The following PLEKHA6 variants were observed in gnomAD, a reference collection of about 807,000 sequenced individuals.
The protein encoded by PLEKHA6 is pleckstrin homology domain containing A6.
In PLEKHA6, 60 loss-of-function variants were observed where a neutral mutation model predicts 116.7. That is an observed-to-expected ratio of 0.51 (90% CI 0.42 to 0.64). The LOEUF is 0.64. PLEKHA6 is among the 30% of genes least tolerant of loss of function. The probability of loss-of-function intolerance (pLI) is 0.00; values close to 1 mark genes in which losing one functional copy is unlikely to be tolerated. For synonymous variants in PLEKHA6, 489 were observed against 556.1 expected, an observed-to-expected ratio of 0.88 and a Z score of 1.70; for missense variants, 1,338 against 1,422.7, an observed-to-expected ratio of 0.94 and a Z score of 0.96.
intron 1 of PLEKHA6, chr1:204,308,980 C>A (rs12405379): frequency 3.2e-6 from 2 of 630,584 alleles, no homozygotes; most frequent in Non-Finnish European, 4.0e-6. Flanking sequence ...TGAGCCACCA[C>A]GCCCGGCCTC....
Position 204,323,140 on chromosome 1 carries a change from C to T in PLEKHA6, c.-95+36554G>A, listed in dbSNP as rs1002521840. ...TGTATCTACTATGTGCCACAGCACA[C>T]TGTGCTAGGCCCTGACACTCAGTGC... On this transcript the variant is annotated intron_variant, in intron 1 of 22. Coordinates refer to ENST00000272203, the MANE Select transcript of PLEKHA6 (RefSeq NM_014935.5). Among the ~76,000 whole-genome samples the T allele has an allele frequency of 4.6e-5, 7 of 152,250 alleles. No homozygotes were observed. In the South Asian group the frequency reaches 6.2e-4, roughly 14 times the overall value.
chr1:204,260,571 T>G (rs1384398040), intron 7 of PLEKHA6, among the ~76,000 whole-genome samples: 3 of 152,208 alleles, frequency 2.0e-5, no homozygotes, highest in African/African-American at 7.2e-5. Flanking sequence ...TGTGACAATT[T>G]TCCCCCTACA....
chr1:204,326,199 G>A (rs151295864), intron 1 of PLEKHA6, among the ~76,000 whole-genome samples: 9 of 152,280 alleles, frequency 5.9e-5, no homozygotes, highest in East Asian at 1.9e-4. Context: ...AACAGAGCCC[G>A]GCTCCAACAG....
intron 21 of PLEKHA6, among the ~76,000 whole-genome samples, chr1:204,225,655 A>C (rs56356506): frequency 0.025 from 3,786 of 152,354 alleles, 136 homozygotes; most frequent in African/African-American, 0.085. Flanking sequence ...CCACCAATGT[A>C]TTGTACACTC....
intron 1 of PLEKHA6, chr1:204,282,862 C>T (rs940758189): frequency 1.1e-6 from 1 of 941,166 alleles, no homozygotes; most frequent in Non-Finnish European, 1.3e-6. Flanking sequence ...GGGTTTTCCT[C>T]CTCTCAGCCT....
chr1:204,223,544 G>C lies in PLEKHA6; in HGVS notation c.3073C>G (p.Pro1025Ala). 5.2e-6 allele frequency: 8 copies of C among 1,549,362 alleles called. No homozygotes were observed. The highest frequency in any genetic ancestry group is 6.1e-6 in the Non-Finnish European group (7 of 1,145,506). Residue 1025 changes from proline to alanine, a missense_variant, in exon 22 of 23, where the codon CCG (proline) becomes GCG (alanine). By Grantham distance (27) the Pro-to-Ala change is conservative. Around this residue, in one of 3 missense-constraint regions of PLEKHA6, gnomAD observed 1,136 missense variants for 1,163.6 expected, o/e 0.98. Transcript: ENST00000272203. The surrounding 1 kb of genome is among the most constrained non-coding windows in gnomAD (Gnocchi z 4.8). ...TPSPPTSPAS[P>A]APPANPLSSE... ...GACAGGGGGTTTGCTGGAGGAGCCGGGGAAGCAGGGGAGGTGGGAGGGCTT... is the reference window on the plus strand; with the variant it reads ...GACAGGGGGTTTGCTGGAGGAGCCGCGGAAGCAGGGGAGGTGGGAGGGCTT...
At chr1:204,333,065 A>C (rs963872165) in intron 1 of PLEKHA6, among the ~76,000 whole-genome samples, 4 of 152,336 alleles carry the variant, frequency 2.6e-5, no homozygotes, top group African/African-American at 9.6e-5. Flanking sequence ...GATAAGGCAA[A>C]CGACAAACTA....
chr1:204,274,223 G>C (rs1488881022), intron 2 of PLEKHA6, among the ~76,000 whole-genome samples: 1 of 152,088 alleles, frequency 6.6e-6, no homozygotes, highest in Non-Finnish European at 1.5e-5. Context: ...TGAGCCACCT[G>C]TTCCCAGCCC....
At chr1:204,321,782 G>A (rs1672071331) in intron 1 of PLEKHA6, among the ~76,000 whole-genome samples, 1 of 152,120 alleles carries the variant, frequency 6.6e-6, no homozygotes, top group Admixed American at 6.6e-5. Context: ...CATTCAACAA[G>A]CATTTAATAA....
chr1:204,264,753 C>G (rs770013823), intron 6 of PLEKHA6, among the ~76,000 whole-genome samples, 189 bp downstream of exon 6: 23 of 152,230 alleles, frequency 1.5e-4, no homozygotes, highest in Non-Finnish European at 2.6e-4. Context: ...CTTGCTCTAG[C>G]CTTACAAGAG....
chr1:204,369,103 C>T (rs182876865), intron 2 of PLEKHA6: 1 of 152,348 alleles, frequency 6.6e-6, no homozygotes, highest in East Asian at 1.9e-4. Flanking sequence ...ACAGGGCAGC[C>T]AGCAAGCCCA....
rs763584882 is a variant in PLEKHA6 at position 204,273,649 on chromosome 1, G to A, written c.79C>T (p.Pro27Ser). 13 of 1,614,076 alleles carry A rather than the reference G, an allele frequency of 8.1e-6. No homozygotes were observed. Among genetic ancestry groups the A allele is most frequent in the Non-Finnish European group, 1.1e-5 (13 of 1,179,922 alleles). ...IPNHNMVSEV[P>S]PERPSVRATR... Reference sequence around the variant, plus strand: ...ACCCGGACGCTGGGCCGCTCTGGAGGGACCTCGGACACCATGTTGTGGTTG... The same window carrying A: ...ACCCGGACGCTGGGCCGCTCTGGAGAGACCTCGGACACCATGTTGTGGTTG... Residue 27 changes from proline (P) to serine (S), a missense_variant, in exon 3 of 23, where the codon CCT (proline) becomes TCT (serine). Transcript: ENST00000272203.
intron 1 of PLEKHA6, among the ~76,000 whole-genome samples, chr1:204,278,988 G>A (rs1233875826): frequency 5.9e-5 from 9 of 152,160 alleles, no homozygotes; most frequent in Non-Finnish European, 1.3e-4. Context: ...CTCCATGAGA[G>A]AAGCTTTGCT....
chr1:204,315,986 A>T (rs1221285019), intron 1 of PLEKHA6, among the ~76,000 whole-genome samples: 1 of 152,216 alleles, frequency 6.6e-6, no homozygotes, highest in Non-Finnish European at 1.5e-5. Flanking sequence ...TACTATGGAC[A>T]CTGTGGGAAT....
chr1:204,357,487 G>A (rs184407993), intron 1 of PLEKHA6, among the ~76,000 whole-genome samples: 210 of 152,228 alleles, frequency 1.4e-3, no homozygotes, highest in African/African-American at 4.8e-3. Context: ...CTCTCTGAAT[G>A]TGCTTTAAGT....
At chr1:204,328,237 C>A (rs1408980399) in intron 1 of PLEKHA6, among the ~76,000 whole-genome samples, 1 of 151,720 alleles carries the variant, frequency 6.6e-6, no homozygotes, top group Non-Finnish European at 1.5e-5. Context: ...CATGCACCCC[C>A]ACGCCCAGCT....
In PLEKHA6 at chr1:204,254,980, A is replaced by G. The variant is rs372562210; in HGVS notation, c.1524+2373T>C. Reference sequence around the variant, plus strand: ...ACCCCGGAGCAGAGACCAGGCAGCCACTGCTTGCAGCTCATGGAACATTCA... The same window carrying G: ...ACCCCGGAGCAGAGACCAGGCAGCCGCTGCTTGCAGCTCATGGAACATTCA... On this transcript the variant is annotated intron_variant, in intron 9 of 22. Coordinates refer to ENST00000272203, the MANE Select transcript of PLEKHA6 (RefSeq NM_014935.5). 4.6e-5 allele frequency among the ~76,000 whole-genome samples: 7 copies of G among 152,296 alleles called. No individual in the cohort carries two copies. The East Asian group carries it at 1.3e-3, about 29-fold the overall frequency.
chr1:204,323,311 G>A (rs893136242), intron 1 of PLEKHA6, among the ~76,000 whole-genome samples: 13 of 152,174 alleles, frequency 8.5e-5, no homozygotes, highest in African/African-American at 2.9e-4. Context: ...CTTTTGCATC[G>A]TTATCTCATC....
rs143673587 is a variant in PLEKHA6, at chr1:204,249,219, G to T, written c.1639C>A (p.Gln547Lys). The T allele has an allele frequency of 2.5e-6, 4 of 1,613,812 alleles. No individual in the cohort carries two copies. The highest frequency in any genetic ancestry group is 3.4e-6 in the Non-Finnish European group (4 of 1,179,784). Residue 547 changes from glutamine (Q) to lysine (K), a missense_variant, in exon 11 of 23, where the codon CAG (glutamine) becomes AAG (lysine). Coordinates refer to ENST00000272203, the MANE Select transcript of PLEKHA6 (RefSeq NM_014935.5). The part of the protein sequence containing the change: ...LCEQNKVVRE[Q>K]DRLVQQLRAE... ...CGGAGCTGCTGCACCAGCCGGTCCTGCTCCCTCACCACCTTGTTCTGCTCA... is the reference window on the plus strand; with the variant it reads ...CGGAGCTGCTGCACCAGCCGGTCCTTCTCCCTCACCACCTTGTTCTGCTCA...
Sources: gnomAD v4.1 joint callset for allele counts (sites outside exome capture counted in the v4.1 genomes callset) on GRCh38, gnomAD v4.1.1 for gene constraint, gnomAD v4.1.1 regional missense constraint, Gnocchi (gnomAD v3.1) non-coding constraint, MANE v1.5 for transcripts, NCBI Gene and HGNC (gene_info 2026-07-23, HGNC 2026-07-21) for gene names.